The following CEP135 variants were observed in gnomAD, a reference collection of about 807,000 sequenced individuals.
The protein encoded by CEP135 is centrosomal protein 135.
In CEP135, 142 loss-of-function variants were observed where a neutral mutation model predicts 157.3. The observed-to-expected ratio is 0.90, with a 90% CI of 0.79 to 1.04. The LOEUF is 1.04. Among genes scored for constraint, CEP135 ranks in the 50% least tolerant of loss-of-function variants. CEP135 has a pLI of 0.00. For synonymous variants in CEP135, 396 were observed against 439.8 expected, an observed-to-expected ratio of 0.90 and a Z score of 1.25; for missense variants, 1,317 against 1,309.2, an observed-to-expected ratio of 1.01 and a Z score of -0.09.
At chr4:56,012,775 G>A (rs1577908463) in intron 21 of CEP135, among the ~76,000 whole-genome samples, 1 of 152,144 alleles carries the variant, frequency 6.6e-6, no homozygotes, top group East Asian at 1.9e-4. Context: ...CCACATTTTT[G>A]TTTAGCCATT....
intron 15 of CEP135, among the ~76,000 whole-genome samples, chr4:55,998,539 CA>C (rs1300999090): frequency 6.6e-6 from 1 of 152,006 alleles, no homozygotes; most frequent in Admixed American, 6.6e-5. Context: ...ACTACCCGGC[CA>C]AAAAGTCAGA....
chr4:56,000,291 A>G (rs2109714816), intron 17 of CEP135, among the ~76,000 whole-genome samples: 1 of 152,318 alleles, frequency 6.6e-6, no homozygotes, highest in Non-Finnish European at 1.5e-5. Flanking sequence ...TCATATAATC[A>G]AGTCAGGGTA....
intron 11 of CEP135, among the ~76,000 whole-genome samples, chr4:55,978,950 C>T (rs1729311441): frequency 6.6e-6 from 1 of 152,216 alleles, no homozygotes; most frequent in Non-Finnish European, 1.5e-5. Flanking sequence ...TATAAAATAT[C>T]TTGTCCTTTA....
chr4:55,965,143 A>C (rs1728803086), intron 7 of CEP135: 1 of 152,354 alleles, frequency 6.6e-6, no homozygotes, highest in Non-Finnish European at 1.5e-5. Context: ...AAAGAGGTGA[A>C]ATTAATTGTA....
intron 10 of CEP135, among the ~76,000 whole-genome samples, chr4:55,974,513 A>T (rs796213981): frequency 7.2e-5 from 11 of 152,336 alleles, no homozygotes; most frequent in African/African-American, 2.6e-4. Context: ...ATAAGACAAA[A>T]GCAGGGAGAC....
intron 19 of CEP135, 67 bp downstream of exon 19, chr4:56,009,970 T>A: frequency 7.0e-7 from 1 of 1,437,054 alleles, no homozygotes; most frequent in Non-Finnish European, 9.5e-7. Context: ...ATTAAAGCTC[T>A]AAATATTTTT....
At chr4:55,993,055 A>G (rs1019406067) in intron 15 of CEP135, among the ~76,000 whole-genome samples, 15 of 152,232 alleles carry the variant, frequency 9.9e-5, no homozygotes, top group Admixed American at 2.6e-4. Flanking sequence ...AACAGTGACA[A>G]CTTGAGATCA....
chr4:55,956,703 C>A (rs916191460), intron 4 of CEP135, among the ~76,000 whole-genome samples: 2 of 152,076 alleles, frequency 1.3e-5, no homozygotes, highest in African/African-American at 4.8e-5. Flanking sequence ...CTCGGCCTCC[C>A]GGGTTCAAGA....
intron 23 of CEP135, among the ~76,000 whole-genome samples, chr4:56,019,963 A>G (rs1031909288): frequency 1.3e-5 from 2 of 152,132 alleles, no homozygotes; most frequent in African/African-American, 4.8e-5. Context: ...TGGCTTATAC[A>G]TCTGCTGCTT....
At chr4:56,012,877 G>T (rs1416788276) in intron 21 of CEP135, among the ~76,000 whole-genome samples, 1 of 152,136 alleles carries the variant, frequency 6.6e-6, no homozygotes, top group Non-Finnish European at 1.5e-5. Flanking sequence ...ATCTGTTCGG[G>T]TGCTTGCTTT....
At chr4:55,976,997 T>C (rs1423584375) in intron 11 of CEP135, among the ~76,000 whole-genome samples, 1 of 151,944 alleles carries the variant, frequency 6.6e-6, no homozygotes, top group Non-Finnish European at 1.5e-5. Context: ...GTTTTTTGTA[T>C]TTTTTGTAGA....
At chr4:55,971,844 A>T (rs960369856) in intron 10 of CEP135, among the ~76,000 whole-genome samples, 1 of 152,186 alleles carries the variant, frequency 6.6e-6, no homozygotes, top group Non-Finnish European at 1.5e-5. Flanking sequence ...ATGACTTGGC[A>T]TCAGGAACAT....
intron 15 of CEP135, 27 bp from the exon 16 acceptor site, chr4:55,999,275 A>G (rs751202938): frequency 2.7e-6 from 4 of 1,504,020 alleles, no homozygotes; most frequent in Non-Finnish European, 2.8e-6. Context: ...AAAGAATACC[A>G]TTTGTTTTTG....
intron 6 of CEP135, 131 bp downstream of exon 6, chr4:55,959,897 TA>T (rs1728627511): frequency 1.3e-6 from 1 of 750,250 alleles, no homozygotes; most frequent in East Asian, 2.7e-5. Context: ...TCAGGTTTGT[TA>T]ATAGAGTTAA....
chr4:55,987,968 A>T (rs1729642860), intron 14 of CEP135, among the ~76,000 whole-genome samples: 1 of 152,150 alleles, frequency 6.6e-6, no homozygotes, highest in Admixed American at 6.5e-5. Flanking sequence ...CAAAAGCATG[A>T]CAAATCCCAA....
intron 4 of CEP135, among the ~76,000 whole-genome samples, chr4:55,954,825 C>A (rs1248827114): frequency 6.6e-6 from 1 of 152,176 alleles, no homozygotes; most frequent in East Asian, 1.9e-4. Flanking sequence ...TGGCTCACAC[C>A]TGTAATCCCA....
chr4:56,019,497 G>A lies in CEP135; in HGVS notation c.3157G>A (p.Glu1053Lys), dbSNP rs781300766. ...KEFHSHLTSH[E>K]KDTEIQLLKE... ...ATTTCATTCTCACTTAACCTCCCACGAGAAGGATACAGAAATCCAGCTACT... is the reference window on the plus strand; with the variant it reads ...ATTTCATTCTCACTTAACCTCCCACAAGAAGGATACAGAAATCCAGCTACT... The change falls in exon 23 of 26, where the codon GAG becomes AAG. Residue 1053 changes from glutamate (E) to lysine (K), a missense_variant. Transcript: ENST00000257287. The A allele has an allele frequency of 1.9e-6, 3 of 1,614,016 alleles. No individual in the cohort carries two copies. The highest frequency in any genetic ancestry group is 1.3e-5 in the African/African-American group (1 of 75,036).
At chr4:56,007,272 C>T (rs896079649) in intron 17 of CEP135, among the ~76,000 whole-genome samples, 6 of 152,070 alleles carry the variant, frequency 3.9e-5, no homozygotes, top group African/African-American at 1.4e-4. Flanking sequence ...ACTTTTTTTC[C>T]TAGGTCACTG....
At chr4:55,957,055 TTAGTTAAAGA>T (rs1728530700) in intron 4 of CEP135, among the ~76,000 whole-genome samples, 158 bp from the exon 5 acceptor site, 1 of 152,204 alleles carries the variant, frequency 6.6e-6, no homozygotes, top group Admixed American at 6.5e-5. Flanking sequence ...AATGCATTGT[TTAGTTAAAGA>T]TCAGGGTGGA....
Sources: allele counts gnomAD v4.1 joint callset (sites outside exome capture counted in the v4.1 genomes callset), GRCh38; gene constraint gnomAD v4.1.1; transcripts MANE v1.5; gene names NCBI Gene and HGNC (gene_info 2026-07-23, HGNC 2026-07-21).